The following RBFOX1 variants were observed in gnomAD, a reference collection of about 807,000 sequenced individuals.
RBFOX1 encodes the protein RNA binding fox-1 homolog 1, also known as RNA binding protein fox-1 homolog 1.
RBFOX1 carries 8 observed loss-of-function variants against 57.7 expected under a neutral mutation model. The ratio of observed to expected loss-of-function variants is 0.14; its 90% CI spans 0.08 to 0.25. RBFOX1 has a LOEUF of 0.25. Ranked by LOEUF, RBFOX1 falls within the 10% of genes least tolerant of loss-of-function variation. RBFOX1 has a pLI of 1.00. For missense variants in RBFOX1, 611 were observed against 548.5 expected (o/e 1.11, Z -1.14); for synonymous variants, 326 against 222.4 (o/e 1.47, Z -4.15).
At position 5,838,050 on chromosome 16, in the gene RBFOX1, G is replaced by A. The variant is rs140273479; in HGVS notation, c.319-29253G>A. 2.6e-3 allele frequency: 400 copies of A among 152,328 alleles called. 5 individuals carry two copies. Among genetic ancestry groups the A allele is most frequent in the Non-Finnish European group, 2.3e-3 (157 of 68,026 alleles). 9.4% of individuals were successfully genotyped at this position (152,328 alleles called of 1,614,324 possible). A position where few individuals can be genotyped will look rare whatever the true frequency, so the allele number is the denominator to read the frequency against. On this transcript the variant is annotated intron_variant, in intron 3 of 19. Transcript: ENST00000641259. ...ACATTGCTGCATAATTTTTTTTGGC[G>A]GGGGGGCTTGAAAACATAATTCTCT...
chr16:7,300,355 C>G (rs558998049), intron 4 of RBFOX1, among the ~76,000 whole-genome samples: 190 of 152,244 alleles, frequency 1.2e-3, no homozygotes, highest in Middle Eastern at 6.8e-3. Context: ...GGTGTTTGAA[C>G]AAGCCAGTGA....
intron 2 of RBFOX1, among the ~76,000 whole-genome samples, chr16:6,585,556 C>G (rs1416520423): frequency 6.6e-6 from 1 of 152,154 alleles, no homozygotes; most frequent in Non-Finnish European, 1.5e-5. Context: ...ACTTTGAGAT[C>G]TGTTTAATTC....
chr16:6,103,814 C>T (rs2096344624), intron 1 of RBFOX1, among the ~76,000 whole-genome samples: 2 of 152,098 alleles, frequency 1.3e-5, no homozygotes, highest in Admixed American at 1.3e-4. Flanking sequence ...CTCCCTGGGG[C>T]CCTAGAAAGA....
intron 1 of RBFOX1, among the ~76,000 whole-genome samples, chr16:6,211,245 T>TTTTTTTG: frequency 6.7e-6 from 1 of 149,552 alleles, no homozygotes; most frequent in Non-Finnish European, 1.5e-5. Flanking sequence ...TTTTTTTTTT[T>TTTTTTTG]TGGGATGGAG....
intron 1 of RBFOX1, among the ~76,000 whole-genome samples, chr16:5,446,055 C>T (rs1229535075): frequency 1.3e-5 from 2 of 152,194 alleles, no homozygotes; most frequent in South Asian, 2.1e-4. Context: ...TAAATTTTTA[C>T]CCTGGGCAAG....
At chr16:6,593,936 A>T (rs1277883140) in intron 2 of RBFOX1, among the ~76,000 whole-genome samples, 2 of 152,116 alleles carry the variant, frequency 1.3e-5, no homozygotes, top group Non-Finnish European at 2.9e-5. Flanking sequence ...CTCCACCCCA[A>T]TGCTTTTGTT....
intron 4 of RBFOX1, among the ~76,000 whole-genome samples, chr16:7,276,395 C>T (rs966295005): frequency 6.6e-6 from 1 of 152,078 alleles, no homozygotes; most frequent in Admixed American, 6.6e-5. Context: ...AAGGCTAGAC[C>T]CTGAAGAGCC....
chr16:5,609,204 C>G (rs1277526510), intron 3 of RBFOX1, among the ~76,000 whole-genome samples: 3 of 152,158 alleles, frequency 2.0e-5, no homozygotes, highest in African/African-American at 7.2e-5. Context: ...GGCCTTCTTC[C>G]AAACTCCCAT....
At chr16:5,269,595 A>G (rs886523098) in intron 1 of RBFOX1, among the ~76,000 whole-genome samples, 5 of 152,246 alleles carry the variant, frequency 3.3e-5, no homozygotes, top group African/African-American at 1.2e-4. Flanking sequence ...AACAGATGAA[A>G]GATCACATTC....
chr16:6,134,578 C>T (rs1253433453), intron 1 of RBFOX1, among the ~76,000 whole-genome samples: 2 of 152,132 alleles, frequency 1.3e-5, no homozygotes, highest in African/African-American at 4.8e-5. Flanking sequence ...TTCTGCCCTA[C>T]TCAGAAGGTA....
intron 3 of RBFOX1, among the ~76,000 whole-genome samples, chr16:5,712,925 G>A (rs540402913): frequency 6.6e-6 from 1 of 152,280 alleles, no homozygotes; most frequent in East Asian, 1.9e-4. Context: ...TTTCCATGGA[G>A]ATTGAACCCA....
chr16:6,481,797 T>C (rs1341939854), intron 2 of RBFOX1, among the ~76,000 whole-genome samples: 1 of 152,206 alleles, frequency 6.6e-6, no homozygotes, highest in Non-Finnish European at 1.5e-5. Flanking sequence ...CAGCATCCGT[T>C]AAATGCCACT....
intron 2 of RBFOX1, among the ~76,000 whole-genome samples, chr16:6,482,494 C>A (rs563997782): frequency 6.6e-6 from 1 of 152,318 alleles, no homozygotes; most frequent in East Asian, 1.9e-4. Context: ...TCTATGAGGA[C>A]TTCTTGGGAA....
chr16:5,506,286 G>A (rs1481454687), intron 2 of RBFOX1, among the ~76,000 whole-genome samples: 1 of 152,200 alleles, frequency 6.6e-6, no homozygotes, highest in Non-Finnish European at 1.5e-5. Context: ...TGCGAGAATA[G>A]GATGCTTGGC....
chr16:5,327,559 C>T (rs1385522120), intron 1 of RBFOX1, among the ~76,000 whole-genome samples: 1 of 152,166 alleles, frequency 6.6e-6, no homozygotes, highest in Non-Finnish European at 1.5e-5. Flanking sequence ...TAATTTTAGC[C>T]CTCAGAGAGA....
At chr16:6,395,454 C>A (rs1241449308) in intron 2 of RBFOX1, among the ~76,000 whole-genome samples, 1 of 152,106 alleles carries the variant, frequency 6.6e-6, no homozygotes, top group Non-Finnish European at 1.5e-5. Flanking sequence ...CTGTAACTTT[C>A]TACCTTGTGA....
chr16:6,314,979 G>T (rs531266248), intron 1 of RBFOX1, among the ~76,000 whole-genome samples: 1 of 152,262 alleles, frequency 6.6e-6, no homozygotes, highest in African/African-American at 2.4e-5. Context: ...ACTGTCCCCG[G>T]TGAAGATCTG....
At chr16:7,484,213 C>G (rs1327063823) in intron 4 of RBFOX1, among the ~76,000 whole-genome samples, 1 of 152,058 alleles carries the variant, frequency 6.6e-6, no homozygotes, top group African/African-American at 2.4e-5. Flanking sequence ...TAGGAATATA[C>G]CAAGATGTGT....
intron 3 of RBFOX1, among the ~76,000 whole-genome samples, chr16:6,693,395 A>T (rs994174605): frequency 6.8e-6 from 1 of 147,088 alleles, no homozygotes; most frequent in African/African-American, 2.5e-5. Context: ...TAGAATCACC[A>T]TCCCCATCCA....
Sources: allele counts gnomAD v4.1 joint callset (sites outside exome capture counted in the v4.1 genomes callset), GRCh38; gene constraint gnomAD v4.1.1; transcripts MANE v1.5; gene names NCBI Gene and HGNC (gene_info 2026-07-23, HGNC 2026-07-21).